PPFIA2: variants seen among roughly 807,000 people sequenced by gnomAD.
The protein encoded by PPFIA2 is liprin-alpha-2.
PPFIA2 carries 46 observed loss-of-function variants against 175.5 expected under a neutral mutation model. That is an observed-to-expected ratio of 0.26 (90% CI 0.21 to 0.34). PPFIA2 has a LOEUF of 0.34. Ranked by LOEUF, PPFIA2 falls within the 10% of genes least tolerant of loss-of-function variation. PPFIA2 has a pLI of 1.00. For missense variants in PPFIA2, 1,179 were observed against 1,506.1 expected (o/e 0.78, Z 3.60); for synonymous variants, 568 against 511.4 (o/e 1.11, Z -1.49).
chr12:81,467,552 C>T (rs2055905416), intron 4 of PPFIA2, among the ~76,000 whole-genome samples: 1 of 151,958 alleles, frequency 6.6e-6, no homozygotes, highest in South Asian at 2.1e-4. Context: ...TAAAAATATC[C>T]CTCAGTATCT....
chr12:81,678,566 C>G, intron 3 of PPFIA2, among the ~76,000 whole-genome samples: 1 of 151,918 alleles, frequency 6.6e-6, no homozygotes, highest in Middle Eastern at 3.4e-3. Flanking sequence ...TAAATGGTCT[C>G]CTTTCTAATG....
At chr12:81,625,058 A>T (rs1451090984) in intron 4 of PPFIA2, among the ~76,000 whole-genome samples, 1 of 151,854 alleles carries the variant, frequency 6.6e-6, no homozygotes, top group Non-Finnish European at 1.5e-5. Flanking sequence ...TCCCTAAATA[A>T]ACTGATTTTA....
intron 4 of PPFIA2, among the ~76,000 whole-genome samples, chr12:81,619,893 C>T (rs1340445210): frequency 6.6e-6 from 1 of 152,146 alleles, no homozygotes; most frequent in East Asian, 1.9e-4. Context: ...GGCGCGGTGG[C>T]TCACGCCTGT....
At chr12:81,559,614 G>A (rs565950142) in intron 4 of PPFIA2, among the ~76,000 whole-genome samples, 7 of 152,150 alleles carry the variant, frequency 4.6e-5, no homozygotes, top group Admixed American at 2.6e-4. Flanking sequence ...TAGAAACTCC[G>A]TTATAAACTT....
intron 18 of PPFIA2, 104 bp from the exon 19 acceptor site, chr12:81,344,797 T>C (rs1056287502): frequency 5.1e-6 from 4 of 781,490 alleles, no homozygotes; most frequent in Non-Finnish European, 8.1e-6. Flanking sequence ...GACTATCATT[T>C]TTTTCTTCAT....
chr12:81,370,143 G>A (rs1486900598), intron 11 of PPFIA2, among the ~76,000 whole-genome samples: 2 of 151,664 alleles, frequency 1.3e-5, no homozygotes, highest in Non-Finnish European at 2.9e-5. Context: ...ACAATGTTGA[G>A]GAAAATGCTA....
chr12:81,597,875 C>G, intron 4 of PPFIA2: 2 of 1,394,462 alleles, frequency 1.4e-6, no homozygotes, highest in South Asian at 2.5e-5. Context: ...AGTCTTTCTT[C>G]CTTTATATAG....
intron 3 of PPFIA2, among the ~76,000 whole-genome samples, chr12:81,741,916 G>A (rs751845638): frequency 1.3e-5 from 2 of 152,178 alleles, no homozygotes; most frequent in East Asian, 3.9e-4. Context: ...ATAAATTTAA[G>A]CAGGATGATC....
intron 11 of PPFIA2, among the ~76,000 whole-genome samples, chr12:81,369,880 G>A (rs987519653): frequency 1.3e-5 from 2 of 151,700 alleles, no homozygotes; most frequent in African/African-American, 4.8e-5. Flanking sequence ...TGGTGAACAC[G>A]ATGCAGTTGA....
At chr12:81,521,055 G>C (rs1157645703) in intron 4 of PPFIA2, among the ~76,000 whole-genome samples, 1 of 152,072 alleles carries the variant, frequency 6.6e-6, no homozygotes, top group Admixed American at 6.5e-5. Context: ...TAGTGCTAGG[G>C]AATCATATAA....
chr12:81,541,234 T>TTA (rs1158244178), intron 4 of PPFIA2, among the ~76,000 whole-genome samples: 1 of 152,064 alleles, frequency 6.6e-6, no homozygotes, highest in Non-Finnish European at 1.5e-5. Context: ...TTTCCCCATA[T>TTA]TATAAACAGT....
intron 21 of PPFIA2, among the ~76,000 whole-genome samples, chr12:81,335,445 T>C (rs1331899886): frequency 1.2e-4 from 18 of 152,062 alleles, no homozygotes; most frequent in Admixed American, 1.1e-3. Context: ...ATTTGTGACA[T>C]TGAAAGACAA....
At chr12:81,434,800 A>C (rs1417834661) in intron 7 of PPFIA2, among the ~76,000 whole-genome samples, 1 of 152,092 alleles carries the variant, frequency 6.6e-6, no homozygotes, top group African/African-American at 2.4e-5. Context: ...TCTGACTCTA[A>C]AACAACTTTA....
chr12:81,626,098 T>G (rs956457547), intron 4 of PPFIA2, among the ~76,000 whole-genome samples: 2 of 151,696 alleles, frequency 1.3e-5, no homozygotes, highest in African/African-American at 2.4e-5. Context: ...TAAATTTGAT[T>G]CATAGGTCTT....
intron 21 of PPFIA2, among the ~76,000 whole-genome samples, chr12:81,334,622 T>A (rs2056787411): frequency 6.6e-6 from 1 of 152,204 alleles, no homozygotes; most frequent in Non-Finnish European, 1.5e-5. Context: ...TGGTTCCACT[T>A]ATTTGCATAT....
rs186158253 is a variant in PPFIA2, at chr12:81,501,462, G to A, written c.304-43596C>T. On this transcript the variant is annotated intron_variant, in intron 4 of 32. Transcript: ENST00000549396. ...TTGACCTCTTTTGTTTACTGTCTAT[G>A]CCTCCTGAATACTGTGTAAGCTCCA... Among the ~76,000 whole-genome samples, 15 of 151,992 alleles carry A rather than the reference G, an allele frequency of 9.9e-5. No homozygotes were observed. The East Asian group carries it at 2.9e-3, about 29-fold the overall frequency.
chr12:81,339,585 A>G (rs898146532), intron 20 of PPFIA2, among the ~76,000 whole-genome samples: 4 of 151,884 alleles, frequency 2.6e-5, no homozygotes, highest in African/African-American at 9.7e-5. Context: ...TTTTGGTATA[A>G]TCTCAAACTA....
intron 4 of PPFIA2, among the ~76,000 whole-genome samples, chr12:81,655,579 T>C (rs1360896689): frequency 1.3e-5 from 2 of 151,990 alleles, no homozygotes; most frequent in Non-Finnish European, 2.9e-5. Context: ...TATCTTGTTT[T>C]CCAAAAATTT....
At chr12:81,700,823 C>A (rs1315816076) in intron 3 of PPFIA2, among the ~76,000 whole-genome samples, 1 of 151,912 alleles carries the variant, frequency 6.6e-6, no homozygotes, top group Non-Finnish European at 1.5e-5. Flanking sequence ...ATAAATAAAT[C>A]AGTTGGTTAT....
Sources: allele counts gnomAD v4.1 joint callset (sites outside exome capture counted in the v4.1 genomes callset), GRCh38; gene constraint gnomAD v4.1.1; transcripts MANE v1.5; gene names NCBI Gene and HGNC (gene_info 2026-07-23, HGNC 2026-07-21).